Variants in RNMT observed in about 807,000 individuals in gnomAD.
The protein encoded by RNMT is mRNA cap guanine-N(7) methyltransferase.
In RNMT, 27 loss-of-function variants were observed where a neutral mutation model predicts 56.0. That is an observed-to-expected ratio of 0.48 (90% CI 0.36 to 0.67). RNMT has a LOEUF of 0.67. Ranked by LOEUF, RNMT falls within the 30% of genes least tolerant of loss-of-function variation. The probability of loss-of-function intolerance (pLI) is 0.00; values close to 1 mark genes in which losing one functional copy is unlikely to be tolerated. For synonymous variants in RNMT, 184 were observed against 176.2 expected, an observed-to-expected ratio of 1.04 and a Z score of -0.35; for missense variants, 519 against 552.1, an observed-to-expected ratio of 0.94 and a Z score of 0.60.
intron 8 of RNMT, 88 bp from the exon 9 acceptor site, chr18:13,746,132 G>T: frequency 1.4e-6 from 1 of 703,580 alleles, no homozygotes; most frequent in Admixed American, 2.5e-5. Flanking sequence ...TTTTAGTTAA[G>T]TCCAGAAGAT....
rs1434208169 is a variant in RNMT, at chr18:13,741,618, C to G, written c.901C>G (p.Leu301Val). The change falls in exon 7 of 12, where the codon CTG (leucine) becomes GTG (valine). Residue 301 changes from leucine (L) to valine (V), a missense_variant. Transcript: ENST00000383314. ...FESYEQADMM[L>V]RNACERLSPG... ...GTCTTATGAGCAGGCTGACATGATGCTGAGAAATGCGTGTGAGAGACTTAG... is the reference window on the plus strand; with the variant it reads ...GTCTTATGAGCAGGCTGACATGATGGTGAGAAATGCGTGTGAGAGACTTAG... The G allele has an allele frequency of 1.2e-6, 2 of 1,613,812 alleles. No homozygotes were observed. The highest frequency in any genetic ancestry group is 2.7e-5 in the African/African-American group (2 of 74,912).
At position 13,762,431 on chromosome 18, in the gene RNMT, C is replaced by T. The variant is rs1293978178; in HGVS notation, c.*2452C>T. On this transcript the variant is annotated 3_prime_UTR_variant, in exon 12 of 12. Transcript: ENST00000383314. ...AGAGTGACTCTGCAGAGTCACTGCACCATCAGGCTTGGCCCTGCTGTGCCT... is the reference window on the plus strand; with the variant it reads ...AGAGTGACTCTGCAGAGTCACTGCATCATCAGGCTTGGCCCTGCTGTGCCT... The T allele has an allele frequency of 2.7e-6, 1 of 370,344 alleles. No homozygotes were observed. The allele number at this position is 370,344 out of a possible 1,614,324, so 22.9% of individuals were successfully genotyped here.
chr18:13,753,650 A>T (rs1417533414), intron 10 of RNMT, among the ~76,000 whole-genome samples: 1 of 151,450 alleles, frequency 6.6e-6, no homozygotes, highest in South Asian at 2.1e-4. Context: ...GGGCACCTGT[A>T]GTCCCAGCTA....
intron 2 of RNMT, among the ~76,000 whole-genome samples, 179 bp downstream of exon 2, chr18:13,730,934 C>T (rs991782144): frequency 6.6e-6 from 1 of 152,168 alleles, no homozygotes; most frequent in African/African-American, 2.4e-5. Flanking sequence ...TGTGTATCGC[C>T]ACTTCATTTG....
intron 9 of RNMT, among the ~76,000 whole-genome samples, chr18:13,750,090 A>G (rs540371007): frequency 6.6e-6 from 1 of 152,280 alleles, no homozygotes; most frequent in South Asian, 2.1e-4. Flanking sequence ...CAAAATGCAG[A>G]TACTATAAAG....
At chr18:13,746,513 A>G (rs1463444277) in intron 9 of RNMT, among the ~76,000 whole-genome samples, 176 bp downstream of exon 9, 1 of 152,218 alleles carries the variant, frequency 6.6e-6, no homozygotes. Flanking sequence ...TACTTGATGA[A>G]AGAATGAGTA....
chr18:13,737,650 C>T (rs767024808), intron 5 of RNMT, among the ~76,000 whole-genome samples: 42 of 151,664 alleles, frequency 2.8e-4, no homozygotes, highest in Non-Finnish European at 3.8e-4. Flanking sequence ...CAAAGATGGT[C>T]GGAGTCATGT....
chr18:13,736,987 T>C, intron 4 of RNMT, 23 bp from the exon 5 acceptor site: 4 of 1,606,082 alleles, frequency 2.5e-6, no homozygotes, highest in Non-Finnish European at 3.4e-6. Flanking sequence ...GGTAGTTTAT[T>C]GTGACTGATT....
chr18:13,742,541 T>C lies in RNMT; in HGVS notation c.1028T>C (p.Val343Ala). The C allele has an allele frequency of 1.2e-6, 2 of 1,613,516 alleles. No homozygotes were observed. Among genetic ancestry groups the C allele is most frequent in the Non-Finnish European group, 1.7e-6 (2 of 1,179,668 alleles). ...TCATTTGGAAATGAAATATATACTG[T>C]GAAATTTCAGAAGAAAGGAGATTAT... ...TESFGNEIYT[V>A]KFQKKGDYPL... is the part of the protein sequence containing the mutation. Residue 343 changes from valine to alanine, a missense_variant, in exon 8 of 12, where the codon GTG (valine) becomes GCG (alanine). Coordinates refer to ENST00000383314, the MANE Select transcript of RNMT (RefSeq NM_003799.3).
chr18:13,757,716 G>A (rs990844575), intron 11 of RNMT, among the ~76,000 whole-genome samples: 4 of 152,048 alleles, frequency 2.6e-5, no homozygotes, highest in Non-Finnish European at 5.9e-5. Context: ...CTAAACTTGC[G>A]TTCATGTTGA....
At chr18:13,735,304 A>G (rs1284253908) in intron 4 of RNMT, among the ~76,000 whole-genome samples, 1 of 152,148 alleles carries the variant, frequency 6.6e-6, no homozygotes, top group Non-Finnish European at 1.5e-5. Context: ...GGTACTTCCT[A>G]CTAGTTTTGA....
chr18:13,743,449 C>G (rs912247916), intron 8 of RNMT, among the ~76,000 whole-genome samples: 2 of 151,990 alleles, frequency 1.3e-5, no homozygotes, highest in African/African-American at 4.8e-5. Flanking sequence ...TTGCCTATGT[C>G]TCACAGGCAA....
intron 10 of RNMT, among the ~76,000 whole-genome samples, chr18:13,752,673 G>A (rs894859020): frequency 6.6e-6 from 1 of 152,186 alleles, no homozygotes; most frequent in Non-Finnish European, 1.5e-5. Flanking sequence ...CAGGGTTGGT[G>A]TGCAAGTTCC....
At chr18:13,742,091 C>T (rs905263685) in intron 7 of RNMT, among the ~76,000 whole-genome samples, 1 of 152,180 alleles carries the variant, frequency 6.6e-6, no homozygotes, top group Non-Finnish European at 1.5e-5. Flanking sequence ...ATAATCCTAG[C>T]ACTTTGGGAG....
chr18:13,751,274 A>G (rs1652322064), intron 9 of RNMT, among the ~76,000 whole-genome samples: 1 of 152,260 alleles, frequency 6.6e-6, no homozygotes, highest in African/African-American at 2.4e-5. Flanking sequence ...CAAGTTTACA[A>G]GAAAAAAACA....
chr18:13,747,976 A>T (rs1022819561), intron 9 of RNMT, among the ~76,000 whole-genome samples: 9 of 152,164 alleles, frequency 5.9e-5, no homozygotes, highest in Admixed American at 2.6e-4. Context: ...GCATATGGGT[A>T]GTGAATTCAC....
chr18:13,748,969 C>G (rs2044395962), intron 9 of RNMT, among the ~76,000 whole-genome samples: 1 of 152,164 alleles, frequency 6.6e-6, no homozygotes, highest in African/African-American at 2.4e-5. Flanking sequence ...ATCCCAGCTA[C>G]TCAGGAGGCT....
rs1026973840 is a variant in RNMT, at chr18:13,763,586, AAGTC to A, written c.*3613_*3616del. On this transcript the variant is annotated 3_prime_UTR_variant, in exon 12 of 12. Coordinates refer to ENST00000383314, the MANE Select transcript of RNMT (RefSeq NM_003799.3). ...GCTAATGTTTATTAGCCTCCTACCT[AAGTC>A]AGTCACTTTGCTAAATTCTTCACCT... is the stretch of plus-strand genomic sequence containing the variant. The A allele has an allele frequency of 1.9e-5, 3 of 155,616 alleles. No individual in the cohort carries two copies. The highest frequency in any genetic ancestry group is 7.2e-5 in the African/African-American group (3 of 41,540). The allele number at this position is 155,616 out of a possible 1,614,324, so 9.6% of individuals were successfully genotyped here. A position where few individuals can be genotyped will look rare whatever the true frequency, so the allele number is the denominator to read the frequency against.
chr18:13,760,812 A>G lies in RNMT; in HGVS notation c.*833A>G, dbSNP rs1427624872. ...TTATACATGGAACTGCAGTAGGAAT[A>G]TTCTCACCATCTGATGCCATGTACC... is the stretch of plus-strand genomic sequence containing the variant. On this transcript the variant is annotated 3_prime_UTR_variant, in exon 12 of 12. Coordinates refer to ENST00000383314, the MANE Select transcript of RNMT (RefSeq NM_003799.3). The G allele has an allele frequency of 1.0e-6, 1 of 985,372 alleles. No individual in the cohort carries two copies. Among genetic ancestry groups the G allele is most frequent in the African/African-American group, 1.7e-5 (1 of 57,250 alleles). The allele number at this position is 985,372 out of a possible 1,614,324, so 61.0% of individuals were successfully genotyped here. A position where few individuals can be genotyped will look rare whatever the true frequency, so the allele number is the denominator to read the frequency against.
Sources: gnomAD v4.1 joint callset for allele counts (sites outside exome capture counted in the v4.1 genomes callset) on GRCh38, gnomAD v4.1.1 for gene constraint, MANE v1.5 for transcripts, NCBI Gene and HGNC (gene_info 2026-07-23, HGNC 2026-07-21) for gene names.